Variants in SMCHD1 observed in about 807,000 individuals in gnomAD.
SMCHD1 encodes structural maintenance of chromosomes flexible hinge domain containing 1.
SMCHD1 carries 78 observed loss-of-function variants against 254.7 expected under a neutral mutation model. The ratio of observed to expected loss-of-function variants is 0.31; its 90% CI spans 0.26 to 0.37. The LOEUF (loss-of-function observed/expected upper bound fraction) is 0.37, where lower values mean the gene tolerates loss of function less well. Among genes scored for constraint, SMCHD1 ranks in the 10% least tolerant of loss-of-function variants. The probability of loss-of-function intolerance (pLI) is 1.00; values close to 1 mark genes in which losing one functional copy is unlikely to be tolerated. For missense variants in SMCHD1, 1,840 were observed against 2,408.1 expected (o/e 0.76, Z 4.94); for synonymous variants, 766 against 794.9 (o/e 0.96, Z 0.61).
chr18:2,794,833 A>T (rs899038270), intron 45 of SMCHD1, among the ~76,000 whole-genome samples: 2 of 152,178 alleles, frequency 1.3e-5, no homozygotes, highest in African/African-American at 4.8e-5. Context: ...TTGTCTATAC[A>T]TGTGGGAGTA....
At chr18:2,714,240 A>G (rs942551373) in intron 17 of SMCHD1, among the ~76,000 whole-genome samples, 1 of 152,150 alleles carries the variant, frequency 6.6e-6, no homozygotes, top group Non-Finnish European at 1.5e-5. Flanking sequence ...AACATTATAT[A>G]ATTTTTTTAA....
chr18:2,751,782 A>G (rs72864687), intron 33 of SMCHD1, among the ~76,000 whole-genome samples: 2,141 of 152,260 alleles, frequency 0.014, 22 homozygotes, highest in Non-Finnish European at 0.02. Flanking sequence ...AGTGCTGTCC[A>G]GTGGAAAGAT....
intron 44 of SMCHD1, 74 bp downstream of exon 44, chr18:2,778,313 T>C (rs1228363673): frequency 1.9e-6 from 2 of 1,043,564 alleles, no homozygotes; most frequent in African/African-American, 1.6e-5. Context: ...ATGATACATA[T>C]ACAAACGACT....
intron 3 of SMCHD1, among the ~76,000 whole-genome samples, chr18:2,671,697 G>A (rs886631931): frequency 1.3e-4 from 19 of 149,042 alleles, no homozygotes; most frequent in African/African-American, 4.5e-4. Context: ...CCGGGTTCAC[G>A]CCATTCTCCT....
chr18:2,682,381 C>T (rs945838064), intron 5 of SMCHD1, among the ~76,000 whole-genome samples: 33 of 151,156 alleles, frequency 2.2e-4, no homozygotes, highest in African/African-American at 7.8e-4. Context: ...GGCTGGAGTG[C>T]AGTGGCGTGA....
intron 5 of SMCHD1, among the ~76,000 whole-genome samples, 157 bp downstream of exon 5, chr18:2,674,302 C>T (rs1368432802): frequency 6.6e-6 from 1 of 152,012 alleles, no homozygotes; most frequent in African/African-American, 2.4e-5. Flanking sequence ...ATGATTGATA[C>T]TCAGAAATAG....
chr18:2,794,323 G>A (rs1307385942), intron 45 of SMCHD1, among the ~76,000 whole-genome samples: 6 of 152,016 alleles, frequency 3.9e-5, no homozygotes, highest in Admixed American at 1.3e-4. Context: ...GTGAAACCCC[G>A]TCTCTAAAAA....
At chr18:2,752,652 G>T in intron 34 of SMCHD1, 100 bp downstream of exon 34, 2 of 720,694 alleles carry the variant, frequency 2.8e-6, no homozygotes, top group African/African-American at 1.9e-5. Context: ...AGTAATTTAT[G>T]ATCAAATAGA....
At chr18:2,705,663 GC>G in intron 13 of SMCHD1, 30 bp from the exon 14 acceptor site, 2 of 1,098,264 alleles carry the variant, frequency 1.8e-6, no homozygotes, top group Admixed American at 2.4e-5. Flanking sequence ...TAATACTGAA[GC>G]TTTTTTTTTT....
At chr18:2,700,120 CGCT>C (rs1162230489) in intron 10 of SMCHD1, among the ~76,000 whole-genome samples, 2 of 152,146 alleles carry the variant, frequency 1.3e-5, no homozygotes, top group African/African-American at 4.8e-5. Context: ...TAGGTAAACT[CGCT>C]GCTATTAGAT....
intron 17 of SMCHD1, among the ~76,000 whole-genome samples, chr18:2,713,979 A>G (rs1377699575): frequency 1.3e-5 from 2 of 152,214 alleles, no homozygotes; most frequent in Admixed American, 6.5e-5. Flanking sequence ...ATTGTTGGGT[A>G]GAATGTTGTG....
At position 2,703,868 on chromosome 18, in the gene SMCHD1, A is replaced by G. The variant is rs577011893; in HGVS notation, c.1824A>G (p.Ile608Met). 13 of 1,603,532 alleles carry G rather than the reference A, an allele frequency of 8.1e-6. No homozygotes were observed. In the African/African-American group the frequency reaches 1.1e-4, roughly 13 times the overall value. ...TYAAIEWDGK[I>M]YKAGQLVKTI... is the part of the protein sequence containing the mutation. ...CAGCAATAGAATGGGATGGAAAGAT[A>G]TACAAAGCAGGACAGCTGGTAGGTT... Residue 608 changes from isoleucine to methionine, a missense_variant, in exon 13 of 48, where the codon ATA (isoleucine) becomes ATG (methionine). Ile to Met is a conservative substitution (Grantham distance 10). Transcript: ENST00000320876.
chr18:2,705,619 AATT>A (rs1421936632), intron 13 of SMCHD1, 72 bp from the exon 14 acceptor site: 2 of 603,110 alleles, frequency 3.3e-6, no homozygotes, highest in Non-Finnish European at 5.2e-6. Context: ...AGTTCTGTAA[AATT>A]ATTATTAAGC....
In SMCHD1 at chr18:2,719,398, C is replaced by T. The variant is rs144389256; in HGVS notation, c.2458+964C>T. Among the ~76,000 whole-genome samples, 1,174 of 151,642 alleles carry T rather than the reference C, an allele frequency of 7.7e-3. 15 individuals carry two copies. Among genetic ancestry groups the T allele is most frequent in the African/African-American group, 0.023 (951 of 41,300 alleles). ...GCAACCTCTGCCTCCCAGGTTCAAG[C>T]GATTCTTCTTGCCTCAGCCTCCCAA... On this transcript the variant is annotated intron_variant, in intron 19 of 47. Coordinates refer to ENST00000320876, the MANE Select transcript of SMCHD1 (RefSeq NM_015295.3).
intron 44 of SMCHD1, among the ~76,000 whole-genome samples, chr18:2,780,690 T>G (rs1490092954): frequency 2.0e-5 from 3 of 152,194 alleles, no homozygotes; most frequent in African/African-American, 7.2e-5. Context: ...AGTCCCTGAT[T>G]TGTAGCTTTT....
At chr18:2,663,946 C>T (rs1433120180) in intron 1 of SMCHD1, among the ~76,000 whole-genome samples, 1 of 151,920 alleles carries the variant, frequency 6.6e-6, no homozygotes, top group Non-Finnish European at 1.5e-5. Context: ...CGATCTCCTG[C>T]CCTCGTGATC....
intron 5 of SMCHD1, among the ~76,000 whole-genome samples, chr18:2,686,425 C>G (rs116952785): frequency 6.6e-4 from 101 of 152,280 alleles, no homozygotes; most frequent in Non-Finnish European, 1.2e-3. Context: ...AAGGGGCACT[C>G]AAACCTGTAT....
At chr18:2,704,950 A>T (rs142100349) in intron 13 of SMCHD1, among the ~76,000 whole-genome samples, 1 of 152,168 alleles carries the variant, frequency 6.6e-6, no homozygotes, top group Non-Finnish European at 1.5e-5. Flanking sequence ...GACAGAAGGA[A>T]ACTAGCAGAA....
At chr18:2,795,629 AATACT>A (rs1291365443) in intron 45 of SMCHD1, among the ~76,000 whole-genome samples, 1 of 152,232 alleles carries the variant, frequency 6.6e-6, no homozygotes, top group Non-Finnish European at 1.5e-5. Context: ...AATTATATTG[AATACT>A]GAATATCAGA....
Sources: gnomAD v4.1 joint callset for allele counts (sites outside exome capture counted in the v4.1 genomes callset) on GRCh38, gnomAD v4.1.1 for gene constraint, MANE v1.5 for transcripts, NCBI Gene and HGNC (gene_info 2026-07-23, HGNC 2026-07-21) for gene names.